Variants in COL12A1 observed in about 807,000 individuals in gnomAD.
COL12A1 encodes the protein collagen alpha-1(XII) chain.
COL12A1 carries 114 observed loss-of-function variants against 349.7 expected under a neutral mutation model. The observed-to-expected ratio is 0.33, with a 90% CI of 0.28 to 0.38. The LOEUF is 0.38. Ranked by LOEUF, COL12A1 falls within the 10% of genes least tolerant of loss-of-function variation. The pLI is 1.00. For synonymous variants in COL12A1, 1,369 were observed against 1,329.0 expected, an observed-to-expected ratio of 1.03 and a Z score of -0.66; for missense variants, 3,284 against 3,756.9, an observed-to-expected ratio of 0.87 and a Z score of 3.29.
intron 44 of COL12A1, 25 bp from the exon 45 acceptor site, chr6:75,119,498 T>A (rs780250281): frequency 1.3e-6 from 2 of 1,588,820 alleles, no homozygotes; most frequent in East Asian, 4.5e-5. Context: ...GATTTGGCAG[T>A]GAGCATAAGT....
rs1472234834 is a variant in COL12A1, at chr6:75,085,866, G to A, written c.*681C>T. ...TCACACAAACTGAGTTACAGCTGGT[G>A]GGTGAGGAACACCAGTGACTACAGC... is the stretch of plus-strand genomic sequence containing the variant. On this transcript the variant is annotated 3_prime_UTR_variant, in exon 66 of 66. Coordinates refer to ENST00000322507, the MANE Select transcript of COL12A1 (RefSeq NM_004370.6). The A allele has an allele frequency of 6.5e-6, 1 of 154,522 alleles. No homozygotes were observed. The highest frequency in any genetic ancestry group is 6.4e-5 in the Admixed American group (1 of 15,676). 9.6% of individuals were successfully genotyped at this position (154,522 alleles called of 1,614,324 possible).
In COL12A1 at chr6:75,192,388, A is replaced by G. The variant is rs1245343815; in HGVS notation, c.191-33T>C. The G allele has an allele frequency of 1.6e-5, 26 of 1,590,404 alleles. No individual in the cohort carries two copies. The South Asian group carries it at 2.6e-4, about 16-fold the overall frequency. On this transcript the variant is annotated intron_variant, in intron 3 of 65. Coordinates refer to ENST00000322507, the MANE Select transcript of COL12A1 (RefSeq NM_004370.6). ...TATAAAAAGGAAAAATATGAATGCA[A>G]CAAAACATTTTTCACATATAACACA...
At chr6:75,187,287 AG>A (rs1453405695) in intron 8 of COL12A1, among the ~76,000 whole-genome samples, 1 of 151,740 alleles carries the variant, frequency 6.6e-6, no homozygotes, top group Non-Finnish European at 1.5e-5. Flanking sequence ...GTCCAGCAGA[AG>A]AGAGAAGCCT....
chr6:75,117,041 T>C (rs1035357032), intron 47 of COL12A1, among the ~76,000 whole-genome samples: 5 of 152,160 alleles, frequency 3.3e-5, no homozygotes, highest in African/African-American at 1.2e-4. Flanking sequence ...AATTGATTAC[T>C]AATGGGGAAA....
At chr6:75,100,689 C>T (rs59332512) in intron 58 of COL12A1, among the ~76,000 whole-genome samples, 1,709 of 152,260 alleles carry the variant, frequency 0.011, 24 homozygotes, top group African/African-American at 0.038. Flanking sequence ...CAAATCTTTG[C>T]TCCCTCTGAA....
At chr6:75,104,436 C>T (rs962646220) in intron 54 of COL12A1, among the ~76,000 whole-genome samples, 2 of 152,112 alleles carry the variant, frequency 1.3e-5, no homozygotes, top group African/African-American at 2.4e-5. Context: ...AACCTAAAAT[C>T]GGTCTACATT....
At chr6:75,153,295 T>C (rs1052628762) in intron 17 of COL12A1, among the ~76,000 whole-genome samples, 2 of 152,066 alleles carry the variant, frequency 1.3e-5, no homozygotes, top group African/African-American at 2.4e-5. Flanking sequence ...CATTGATACA[T>C]AGGAAAAGCT....
At position 75,085,687 on chromosome 6, in the gene COL12A1, T is replaced by A. The variant is rs1767455021; in HGVS notation, c.*860A>T. On this transcript the variant is annotated 3_prime_UTR_variant, in exon 66 of 66. Coordinates refer to ENST00000322507, the MANE Select transcript of COL12A1 (RefSeq NM_004370.6). ...GGATTTTCGCAAATCCCCAAGTAAC[T>A]GTTTATGCCTTCAAACTCCTCAATT... 1 of 250,934 alleles carries A rather than the reference T, an allele frequency of 4.0e-6. No individual in the cohort carries two copies. Among genetic ancestry groups the A allele is most frequent in the South Asian group, 4.5e-5 (1 of 22,464 alleles). The allele number at this position is 250,934 out of a possible 1,614,324, so 15.5% of individuals were successfully genotyped here. A position where few individuals can be genotyped will look rare whatever the true frequency, so the allele number is the denominator to read the frequency against.
chr6:75,101,504 C>T, intron 58 of COL12A1, 96 bp downstream of exon 58: 2 of 1,205,792 alleles, frequency 1.7e-6, no homozygotes, highest in Non-Finnish European at 2.4e-6. Flanking sequence ...AGATATATTA[C>T]CAGCCTTGCA....
At chr6:75,185,641 A>C (rs1383096958) in intron 8 of COL12A1, among the ~76,000 whole-genome samples, 1 of 152,220 alleles carries the variant, frequency 6.6e-6, no homozygotes, top group Non-Finnish European at 1.5e-5. Flanking sequence ...ATGGAACAAA[A>C]AAGAATCCGA....
chr6:75,131,789 T>C (rs1562182965), intron 35 of COL12A1, 151 bp downstream of exon 35: 1 of 852,678 alleles, frequency 1.2e-6, no homozygotes, highest in Non-Finnish European at 1.7e-6. Flanking sequence ...AACCCTATAA[T>C]TAATACACCT....
At chr6:75,145,548 AT>A in intron 24 of COL12A1, 93 bp from the exon 25 acceptor site, 1 of 1,207,608 alleles carries the variant, frequency 8.3e-7, no homozygotes, top group Non-Finnish European at 1.1e-6. Context: ...TTTGTACTAG[AT>A]TATAATACAG....
At chr6:75,123,298 G>A in intron 43 of COL12A1, 32 bp downstream of exon 43, 1 of 1,573,416 alleles carries the variant, frequency 6.4e-7, no homozygotes, top group Non-Finnish European at 8.7e-7. Context: ...CTCCCTATCA[G>A]CTGAACGTAT....
chr6:75,097,722 G>A (rs924464394), intron 58 of COL12A1, among the ~76,000 whole-genome samples: 1 of 152,190 alleles, frequency 6.6e-6, no homozygotes, highest in African/African-American at 2.4e-5. Flanking sequence ...AAGGATGCAG[G>A]TGAGAGGAAA....
chr6:75,156,649 A>G lies in COL12A1; in HGVS notation c.2984-126T>C, dbSNP rs1399112094. On this transcript the variant is annotated intron_variant, in intron 14 of 65. Coordinates refer to ENST00000322507, the MANE Select transcript of COL12A1 (RefSeq NM_004370.6). ...TATGTACACTGTTCCATTGCTTAGC[A>G]TTGTAATCTCTCATAAATTCATGAT... 3.5e-6 allele frequency: 3 copies of G among 867,366 alleles called. No individual in the cohort carries two copies. In the African/African-American group the frequency reaches 5.1e-5, roughly 15 times the overall value. 53.7% of individuals were successfully genotyped at this position (867,366 alleles called of 1,614,324 possible).
chr6:75,197,363 A>C (rs1186881945), intron 2 of COL12A1, among the ~76,000 whole-genome samples: 1 of 142,968 alleles, frequency 7.0e-6, no homozygotes, highest in Non-Finnish European at 1.5e-5. Flanking sequence ...CCCAGGCTGG[A>C]GTGCAGTGGT....
intron 22 of COL12A1, 38 bp downstream of exon 22, chr6:75,148,320 A>G (rs1767304224): frequency 6.3e-7 from 1 of 1,590,966 alleles, no homozygotes; most frequent in African/African-American, 1.3e-5. Context: ...CCCAATCTCA[A>G]CATCAGGAAG....
chr6:75,090,039 T>G lies in COL12A1; in HGVS notation c.8941+71A>C. Reference sequence around the variant, plus strand: ...TTGCCTAGGTCACCTTTCAGATGCCTTCAACCTGTCCCAACTCCTACATTT... The same window carrying G: ...TTGCCTAGGTCACCTTTCAGATGCCGTCAACCTGTCCCAACTCCTACATTT... On this transcript the variant is annotated intron_variant, in intron 63 of 65. Coordinates refer to ENST00000322507, the MANE Select transcript of COL12A1 (RefSeq NM_004370.6). This position sits in a 1 kb window ranked among gnomAD's most constrained non-coding sequence, Gnocchi z 4.1. The G allele has an allele frequency of 1.3e-6, 2 of 1,557,130 alleles. No individual in the cohort carries two copies. Among genetic ancestry groups the G allele is most frequent in the Non-Finnish European group, 1.8e-6 (2 of 1,137,812 alleles).
intron 65 of COL12A1, among the ~76,000 whole-genome samples, chr6:75,086,818 T>C (rs1375313142): frequency 6.6e-6 from 1 of 151,968 alleles, no homozygotes; most frequent in East Asian, 1.9e-4. Context: ...ATTATGCATA[T>C]AAATATATAG....
Sources: allele counts gnomAD v4.1 joint callset (sites outside exome capture counted in the v4.1 genomes callset), GRCh38; gene constraint gnomAD v4.1.1; non-coding constraint Gnocchi (gnomAD v3.1); transcripts MANE v1.5; gene names NCBI Gene and HGNC (gene_info 2026-07-23, HGNC 2026-07-21).